The following SKIC3 variants were observed in gnomAD, a reference collection of about 807,000 sequenced individuals.
SKIC3 encodes SKI3 subunit of superkiller complex.
At chr5:95,531,302 A>C in the SKIC3 span, among the ~76,000 whole-genome samples, 1 of 152,232 alleles carries the variant, frequency 6.6e-6, no homozygotes, top group African/African-American at 2.4e-5. Context: ...AATGAAAAGA[A>C]TTAATAATGG....
chr5:95,477,322 T>C, the SKIC3 span, among the ~76,000 whole-genome samples: 2 of 152,102 alleles, frequency 1.3e-5, no homozygotes, highest in African/African-American at 4.8e-5. Flanking sequence ...TAAGAATCTC[T>C]TAAATGTGCT....
chr5:95,486,893 A>C, the SKIC3 span, among the ~76,000 whole-genome samples: 1 of 152,176 alleles, frequency 6.6e-6, no homozygotes, highest in Non-Finnish European at 1.5e-5. Flanking sequence ...CAGGGACTCA[A>C]GAACACACCC....
At chr5:95,509,534 T>C in the SKIC3 span, 5 of 1,294,454 alleles carry the variant, frequency 3.9e-6, no homozygotes, top group Non-Finnish European at 5.6e-6. Context: ...AGTCAGAGAT[T>C]CTCCAGGAAC....
the SKIC3 span, chr5:95,513,661 A>T: frequency 2.5e-6 from 4 of 1,609,856 alleles, no homozygotes; most frequent in Non-Finnish European, 3.4e-6. Context: ...AAAGGAAAAA[A>T]ACAGACTCTT....
At chr5:95,529,995 G>C in the SKIC3 span, 1 of 1,507,584 alleles carries the variant, frequency 6.6e-7, no homozygotes, top group Non-Finnish European at 9.1e-7. Flanking sequence ...TTCCACCTTA[G>C]ATAGACATTC....
chr5:95,537,255 G>T, the SKIC3 span: 1 of 940,854 alleles, frequency 1.1e-6, no homozygotes, highest in Non-Finnish European at 1.6e-6. Flanking sequence ...GTATTCTACA[G>T]TCTAACCCTG....
the SKIC3 span, among the ~76,000 whole-genome samples, chr5:95,543,868 G>C: frequency 6.6e-6 from 1 of 152,178 alleles, no homozygotes; most frequent in Non-Finnish European, 1.5e-5. Flanking sequence ...CTGCCAACTG[G>C]AATAAAAATT....
At chr5:95,519,254 T>C in the SKIC3 span, among the ~76,000 whole-genome samples, 1 of 152,066 alleles carries the variant, frequency 6.6e-6, no homozygotes, top group African/African-American at 2.4e-5. Flanking sequence ...TTTCTTCATT[T>C]TTCTCTTCTC....
chr5:95,523,866 T>TTAAA, the SKIC3 span: 1 of 1,594,234 alleles, frequency 6.3e-7, no homozygotes, highest in East Asian at 2.2e-5. Flanking sequence ...TAACAGAACA[T>TTAAA]TAAAAGTTCA....
At chr5:95,510,100 A>G in the SKIC3 span, among the ~76,000 whole-genome samples, 2 of 152,210 alleles carry the variant, frequency 1.3e-5, no homozygotes, top group African/African-American at 4.8e-5. Flanking sequence ...AAAAAATAAC[A>G]AAGTCAGTAT....
At chr5:95,550,148 A>G in the SKIC3 span, among the ~76,000 whole-genome samples, 10,693 of 151,978 alleles carry the variant, frequency 0.07, 451 homozygotes, top group South Asian at 0.14. Flanking sequence ...AACCCAAAAT[A>G]TTTTTATCCA....
chr5:95,464,614 G>T, the SKIC3 span: 1 of 1,611,080 alleles, frequency 6.2e-7, no homozygotes, highest in Non-Finnish European at 8.5e-7. Flanking sequence ...ATGTTATTGT[G>T]AGGACAATCT....
the SKIC3 span, among the ~76,000 whole-genome samples, chr5:95,474,550 ACTT>A: frequency 1.3e-4 from 20 of 152,040 alleles, no homozygotes; most frequent in South Asian, 2.1e-4. Flanking sequence ...TGCCTTTAAG[ACTT>A]CTTCTTCTTT....
At chr5:95,467,649 C>A in the SKIC3 span, among the ~76,000 whole-genome samples, 7 of 152,046 alleles carry the variant, frequency 4.6e-5, no homozygotes, top group African/African-American at 1.4e-4. Context: ...TATATTTAAC[C>A]TTTAAACCAT....
the SKIC3 span, among the ~76,000 whole-genome samples, chr5:95,544,158 T>C: frequency 6.6e-6 from 1 of 152,194 alleles, no homozygotes; most frequent in Non-Finnish European, 1.5e-5. Flanking sequence ...AACACACTGA[T>C]TACACAAATT....
At chr5:95,546,861 A>T in the SKIC3 span, 1 of 580,334 alleles carries the variant, frequency 1.7e-6, no homozygotes, top group Non-Finnish European at 3.1e-6. Context: ...TTGTTAAGTT[A>T]CCAATACAGA....
chr5:95,536,462 T>TA, the SKIC3 span: 7 of 249,528 alleles, frequency 2.8e-5, no homozygotes, highest in East Asian at 4.3e-4. Flanking sequence ...TTACCATTCC[T>TA]AAAAAATGCA....
At chr5:95,519,393 G>A in the SKIC3 span, among the ~76,000 whole-genome samples, 1 of 151,984 alleles carries the variant, frequency 6.6e-6, no homozygotes, top group African/African-American at 2.4e-5. Context: ...TCTACTCATG[G>A]AGTCCAGCCA....
the SKIC3 span, among the ~76,000 whole-genome samples, chr5:95,534,853 G>A: frequency 6.6e-6 from 1 of 151,920 alleles, no homozygotes; most frequent in African/African-American, 2.4e-5. Context: ...ATATGTCTAC[G>A]CTTAGTATTG....
Sources: gnomAD v4.1 joint callset for allele counts (sites outside exome capture counted in the v4.1 genomes callset) on GRCh38, gnomAD v4.1.1 for gene constraint, MANE v1.5 for transcripts, NCBI Gene and HGNC (gene_info 2026-07-23, HGNC 2026-07-21) for gene names.